Variants in SLC45A2 observed in about 807,000 individuals in gnomAD.
SLC45A2 encodes the protein membrane-associated transporter protein.
Under a neutral mutation model 45.5 loss-of-function variants are expected in SLC45A2, and 36 were observed. That is an observed-to-expected ratio of 0.79 (90% CI 0.61 to 1.04). The LOEUF (loss-of-function observed/expected upper bound fraction) is 1.04, where lower values mean the gene tolerates loss of function less well. Ranked by LOEUF, SLC45A2 falls within the 50% of genes least tolerant of loss-of-function variation. The pLI is 0.00. For synonymous variants in SLC45A2, 306 were observed against 269.3 expected (o/e 1.14, Z -1.33); for missense variants, 719 against 671.0 (o/e 1.07, Z -0.79).
At chr5:33,972,380 C>T (rs764151091) in intron 2 of SLC45A2, 14 of 380,260 alleles carry the variant, frequency 3.7e-5, no homozygotes, top group East Asian at 1.3e-4. Flanking sequence ...GCCAAATGAA[C>T]GAGCAAGATT....
intron 6 of SLC45A2, chr5:33,946,593 C>G (rs945725856): frequency 1.0e-6 from 1 of 996,578 alleles, no homozygotes; most frequent in African/African-American, 1.7e-5. Context: ...GCACAGGTCC[C>G]GCTCAGGGCA....
At chr5:33,982,134 G>A (rs748850623) in intron 2 of SLC45A2, 102 bp downstream of exon 2, 13 of 1,343,520 alleles carry the variant, frequency 9.7e-6, no homozygotes, top group Middle Eastern at 2.5e-4. Context: ...CAGCTGACCC[G>A]TTCATTCAAA....
In SLC45A2 at chr5:33,976,064, C is replaced by T. The variant is rs186133688; in HGVS notation, c.562+6172G>A. Among the ~76,000 whole-genome samples the T allele has an allele frequency of 1.2e-3, 180 of 152,322 alleles. 1 individual carries two copies. Among genetic ancestry groups the T allele is most frequent in the African/African-American group, 4.2e-3 (174 of 41,570 alleles). On this transcript the variant is annotated intron_variant, in intron 2 of 6. Coordinates refer to ENST00000296589, the MANE Select transcript of SLC45A2 (RefSeq NM_016180.5). ...CACTGAAAGCCAGCAGACACGTACTCCCAGACTTTTTGTTACATAAGAAAA... is the reference window on the plus strand; with the variant it reads ...CACTGAAAGCCAGCAGACACGTACTTCCAGACTTTTTGTTACATAAGAAAA...
In SLC45A2 at chr5:33,979,924, A is replaced by G. The variant is rs34441464; in HGVS notation, c.562+2312T>C. ...CCTTGGAAAAGTTTCCCTAACACAGAGTTTTGTCTTTTAATGTCAAGGCAG... is the reference window on the plus strand; with the variant it reads ...CCTTGGAAAAGTTTCCCTAACACAGGGTTTTGTCTTTTAATGTCAAGGCAG... On this transcript the variant is annotated intron_variant, in intron 2 of 6. Coordinates refer to ENST00000296589, the MANE Select transcript of SLC45A2 (RefSeq NM_016180.5). 8.5e-3 allele frequency among the ~76,000 whole-genome samples: 1,300 copies of G among 152,264 alleles called. 10 individuals carry two copies. The highest frequency in any genetic ancestry group is 0.058 in the Middle Eastern group (17 of 294).
chr5:33,947,982 C>T (rs1751988253), intron 5 of SLC45A2, among the ~76,000 whole-genome samples: 1 of 152,206 alleles, frequency 6.6e-6, no homozygotes, highest in Admixed American at 6.5e-5. Context: ...CCCACAGCAC[C>T]CAGCATCTCC....
intron 6 of SLC45A2, 52 bp downstream of exon 6, chr5:33,947,111 C>G (rs1239533619): frequency 2.5e-6 from 4 of 1,614,042 alleles, no homozygotes; most frequent in African/African-American, 1.3e-5. Flanking sequence ...TCCTCCCCAG[C>G]CTTCAGATGA....
intron 3 of SLC45A2, among the ~76,000 whole-genome samples, chr5:33,955,934 T>TG (rs1478298521): frequency 2.6e-5 from 4 of 151,868 alleles, no homozygotes; most frequent in African/African-American, 9.7e-5. Flanking sequence ...AAACACTGAT[T>TG]TTTTTTTAAC....
rs1752522954 is a variant in SLC45A2, at chr5:33,963,876, A to G, written c.703T>C (p.Cys235Arg). The G allele has an allele frequency of 1.2e-6, 2 of 1,614,152 alleles. No individual in the cohort carries two copies. The highest frequency in any genetic ancestry group is 1.7e-6 in the Non-Finnish European group (2 of 1,180,010). ...GTAAGTGGGGCTTCAGAGATACTGC[A>G]CAGATGAACAGTAAAACACAAAGTG... is the stretch of plus-strand genomic sequence containing the variant. ...VLTLCFTVHL[C>R]SISEAPLTEV... The change falls in exon 3 of 7, where the codon TGC becomes CGC. Residue 235 changes from cysteine to arginine, a missense_variant. Cys to Arg is a radical substitution (Grantham distance 180). Transcript: ENST00000296589.
chr5:33,950,698 C>T (rs1303984741), intron 5 of SLC45A2, among the ~76,000 whole-genome samples: 2 of 152,242 alleles, frequency 1.3e-5, no homozygotes, highest in Non-Finnish European at 2.9e-5. Flanking sequence ...CCACTTCCTT[C>T]ACCTGGGCCA....
intron 2 of SLC45A2, among the ~76,000 whole-genome samples, chr5:33,975,162 C>T (rs574920201): frequency 6.6e-6 from 1 of 152,310 alleles, no homozygotes; most frequent in Non-Finnish European, 1.5e-5. Flanking sequence ...GCACGGGAGA[C>T]AGTCGGCTGA....
chr5:33,980,553 T>C (rs1189805773), intron 2 of SLC45A2, among the ~76,000 whole-genome samples: 1 of 152,156 alleles, frequency 6.6e-6, no homozygotes, highest in East Asian at 1.9e-4. Context: ...TTATCATACA[T>C]GGGGTATTTG....
At chr5:33,948,950 T>A in intron 5 of SLC45A2, among the ~76,000 whole-genome samples, 1 of 152,242 alleles carries the variant, frequency 6.6e-6, no homozygotes, top group South Asian at 2.1e-4. Flanking sequence ...CAAGCTTGAA[T>A]TGCCCTCTGA....
At chr5:33,965,970 A>C (rs1424711026) in intron 2 of SLC45A2, among the ~76,000 whole-genome samples, 4 of 152,218 alleles carry the variant, frequency 2.6e-5, no homozygotes, top group African/African-American at 9.6e-5. Flanking sequence ...ATTTGTAAAC[A>C]GATCAAGGGT....
chr5:33,946,901 T>G (rs1751946294), intron 6 of SLC45A2: 8 of 1,405,260 alleles, frequency 5.7e-6, no homozygotes, highest in African/African-American at 1.4e-5. Flanking sequence ...TTTTTCTAAT[T>G]AGAAAAATGG....
intron 3 of SLC45A2, among the ~76,000 whole-genome samples, chr5:33,961,792 G>A (rs1752466322): frequency 6.6e-6 from 1 of 152,116 alleles, no homozygotes; most frequent in Admixed American, 6.5e-5. Flanking sequence ...ACCTGTTCCT[G>A]CCAAAGTTAC....
Position 33,947,328 on chromosome 5 carries a change from G to T in SLC45A2, c.1203C>A (p.Tyr401Ter). 6.2e-7 allele frequency: 1 copy of T among 1,614,212 alleles called. No individual in the cohort carries two copies. Among genetic ancestry groups the T allele is most frequent in the South Asian group, 1.1e-5 (1 of 91,084 alleles). ...LVSYIGLKGLYFTGYLLFGLG... is the reference protein window; with the variant it reads ...LVSYIGLKGL Reference sequence around the variant, plus strand: ...GGCCAAACAGCAAATATCCCGTGAAGTAAAGACCCTTTAATCCAATGTAGG... The same window carrying T: ...GGCCAAACAGCAAATATCCCGTGAATTAAAGACCCTTTAATCCAATGTAGG... The change falls in exon 6 of 7, where the codon TAC becomes TAA. Residue 401 changes from tyrosine to a stop codon, truncating the protein, a stop_gained. Transcript: ENST00000296589. LOFTEE classifies it high-confidence loss of function.
chr5:33,963,770 G>A lies in SLC45A2; in HGVS notation c.809C>T (p.Ser270Phe), dbSNP rs1284937404. The A allele has an allele frequency of 6.2e-7, 1 of 1,614,118 alleles. No homozygotes were observed. Among genetic ancestry groups the A allele is most frequent in the African/African-American group, 1.3e-5 (1 of 75,018 alleles). ...LSSDGMYEYGSIEKVKNGYVN... is the reference protein window; with the variant it reads ...LSSDGMYEYGFIEKVKNGYVN... ...GTAACCATTTTTAACTTTCTCGATA[G>A]AACCATACTCGTACATTCCATCTGA... Residue 270 changes from serine (S) to phenylalanine (F), a missense_variant, in exon 3 of 7, where the codon TCT (serine) becomes TTT (phenylalanine). Transcript: ENST00000296589.
chr5:33,948,573 T>C (rs1181215340), intron 5 of SLC45A2, among the ~76,000 whole-genome samples: 2 of 152,180 alleles, frequency 1.3e-5, no homozygotes, highest in Non-Finnish European at 2.9e-5. Flanking sequence ...CTAAACACTC[T>C]CACACTGATG....
Position 33,951,243 on chromosome 5 carries a change from C to T in SLC45A2, c.1156+311G>A, listed in dbSNP as rs757194830. ...CCAATGATCTTGCTCCAGTAGAACA[C>T]GAACCTGCTGGGACTCATCCATCCA... On this transcript the variant is annotated intron_variant, in intron 5 of 6. Transcript: ENST00000296589. 2.0e-5 allele frequency among the ~76,000 whole-genome samples: 3 copies of T among 152,278 alleles called. No individual in the cohort carries two copies. The East Asian group carries it at 5.8e-4, about 29-fold the overall frequency.
Sources: allele counts gnomAD v4.1 joint callset (sites outside exome capture counted in the v4.1 genomes callset), GRCh38; gene constraint gnomAD v4.1.1; transcripts MANE v1.5; gene names NCBI Gene and HGNC (gene_info 2026-07-23, HGNC 2026-07-21).